The following TMEM74B variants were observed in gnomAD, a reference collection of about 807,000 sequenced individuals.
TMEM74B encodes the protein transmembrane protein C20orf46.
Under a neutral mutation model 6.5 loss-of-function variants are expected in TMEM74B, and 7 were observed. The observed-to-expected ratio is 1.07, with a 90% CI of 0.61 to 2.01. The LOEUF (loss-of-function observed/expected upper bound fraction) is 2.01, where lower values mean the gene tolerates loss of function less well. TMEM74B is among the 30% of genes most tolerant of loss of function. The pLI is 0.00. For missense variants in TMEM74B, 342 were observed against 337.0 expected (o/e 1.01, Z -0.12); for synonymous variants, 151 against 151.6 (o/e 1.00, Z 0.03).
chr20:1,183,223 G>GCACA (rs1184501299), intron 2 of TMEM74B, among the ~76,000 whole-genome samples: 1 of 151,996 alleles, frequency 6.6e-6, no homozygotes, highest in East Asian at 1.9e-4. Flanking sequence ...ACACATACAT[G>GCACA]CACACACACA....
At position 1,181,683 on chromosome 20, in the gene TMEM74B, C is replaced by T. The variant is rs772217080; in HGVS notation, c.32-96G>A. 6.7e-5 allele frequency: 88 copies of T among 1,321,744 alleles called. No individual in the cohort carries two copies. The highest frequency in any genetic ancestry group is 8.4e-5 in the Non-Finnish European group (86 of 1,023,414). The allele number at this position is 1,321,744 out of a possible 1,614,324, so 81.9% of individuals were successfully genotyped here. On this transcript the variant is annotated intron_variant, in intron 2 of 2. Coordinates refer to ENST00000429036, the MANE Select transcript of TMEM74B (RefSeq NM_001304748.2). The surrounding 1 kb of genome is among the most constrained non-coding windows in gnomAD (Gnocchi z 4.9). ...CCTAAGCACATGAAGGTGAGTCAGG[C>T]ACAATTCCCACTTGGGGGTGTCTGC...
In TMEM74B at chr20:1,184,562, CGT is replaced by C. The variant is rs2086964138; in HGVS notation, c.-410_-409del. 6.5e-6 allele frequency: 1 copy of C among 152,786 alleles called. No homozygotes were observed. Among genetic ancestry groups the C allele is most frequent in the Non-Finnish European group, 1.5e-5 (1 of 68,508 alleles). 9.5% of individuals were successfully genotyped at this position (152,786 alleles called of 1,614,324 possible). ...AGTACCCACAGACACCCAGAAGTCA[CGT>C]AGTGTGACCCTCGGATCTTCGGGCC... On this transcript the variant is annotated 5_prime_UTR_variant, in exon 1 of 3. Transcript: ENST00000429036. This position sits in a 1 kb window ranked among gnomAD's most constrained non-coding sequence, Gnocchi z 6.0.
upstream of TMEM74B, among the ~76,000 whole-genome samples, chr20:1,187,491 G>A (rs185758527): frequency 9.8e-5 from 15 of 152,318 alleles, no homozygotes; most frequent in Admixed American, 5.2e-4. Flanking sequence ...TCTAGTGGGA[G>A]AAAAGGATAA....
chr20:1,183,794 G>A lies in TMEM74B; in HGVS notation c.8C>T (p.Pro3Leu). 6.2e-7 allele frequency: 1 copy of A among 1,613,860 alleles called. No individual in the cohort carries two copies. The highest frequency in any genetic ancestry group is 8.5e-7 in the Non-Finnish European group (1 of 1,179,968). The part of the protein sequence containing the change: MP[P>L]AQGYEFAAAK... Reference sequence around the variant, plus strand: ...ACCTGCAAACTCATACCCCTGTGCTGGTGGCATCACTCCACCAGCCTTCCC... The same window carrying A: ...ACCTGCAAACTCATACCCCTGTGCTAGTGGCATCACTCCACCAGCCTTCCC... The change falls in exon 2 of 3, where the codon CCA (proline) becomes CTA (leucine). Residue 3 changes from proline (P) to leucine (L), a missense_variant. Physicochemically the swap from Pro to Leu is moderately conservative, Grantham distance 98. Transcript: ENST00000429036.
At chr20:1,185,917 G>T (rs1245592642), upstream of TMEM74B, among the ~76,000 whole-genome samples, 1 of 151,702 alleles carries the variant, frequency 6.6e-6, no homozygotes, top group Non-Finnish European at 1.5e-5. Flanking sequence ...CGGCTCCGTG[G>T]CTCAAGGGCG....
At chr20:1,182,755 A>C (rs2086906260) in intron 2 of TMEM74B, among the ~76,000 whole-genome samples, 1 of 152,194 alleles carries the variant, frequency 6.6e-6, no homozygotes, top group Non-Finnish European at 1.5e-5. Context: ...GCACATGTGC[A>C]TTCCCGCTGA....
chr20:1,183,609 G>A (rs571289161), intron 2 of TMEM74B, among the ~76,000 whole-genome samples, 162 bp downstream of exon 2: 62 of 152,110 alleles, frequency 4.1e-4, no homozygotes, highest in Admixed American at 7.9e-4. Flanking sequence ...CCATGTACCC[G>A]ACACTTCATG....
chr20:1,189,172 C>T (rs1293175977), upstream of TMEM74B: 4 of 152,210 alleles, frequency 2.6e-5, no homozygotes, highest in Non-Finnish European at 4.4e-5. The surrounding 1 kb of genome is among the most constrained non-coding windows in gnomAD (Gnocchi z 4.5). Flanking sequence ...AAACCCATAG[C>T]TGCAGTCTAG....
intron 2 of TMEM74B, among the ~76,000 whole-genome samples, chr20:1,183,235 G>A (rs115829150): frequency 5.3e-5 from 8 of 152,100 alleles, no homozygotes; most frequent in East Asian, 1.9e-4. Flanking sequence ...ACACACACAC[G>A]ATTCTCTGCA....
At position 1,180,737 on chromosome 20, in the gene TMEM74B, A is replaced by G. The variant is rs1340679145; in HGVS notation, c.*111T>C. On this transcript the variant is annotated 3_prime_UTR_variant, in exon 3 of 3. Coordinates refer to ENST00000429036, the MANE Select transcript of TMEM74B (RefSeq NM_001304748.2). This position sits in a 1 kb window ranked among gnomAD's most constrained non-coding sequence, Gnocchi z 6.1. ...CCCAGTACTTCTTCCACAAGGCCCT[A>G]TGTGAGCTCAGTTTAAAACCCCAGG... is the stretch of plus-strand genomic sequence containing the variant. 1.8e-5 allele frequency: 26 copies of G among 1,424,078 alleles called. No homozygotes were observed. The highest frequency in any genetic ancestry group is 2.9e-5 in the South Asian group (2 of 69,500). The allele number at this position is 1,424,078 out of a possible 1,614,324, so 88.2% of individuals were successfully genotyped here.
Position 1,181,058 on chromosome 20 carries a change from G to T in TMEM74B, c.561C>A (p.Gly187=). 6.2e-7 allele frequency: 1 copy of T among 1,613,416 alleles called. No individual in the cohort carries two copies. The highest frequency in any genetic ancestry group is 1.7e-4 in the Middle Eastern group (1 of 6,056). Reference sequence around the variant, plus strand: ...TGAGCAGCACCGACAAGAGCATGCCGCCCACCGTGAGCAGCCCGAGGCCTG... The same window carrying T: ...TGAGCAGCACCGACAAGAGCATGCCTCCCACCGTGAGCAGCCCGAGGCCTG... ...IIAGLGLLTV[G]GMLLSVLLMV... Residue 187 remains glycine, a synonymous_variant, in exon 3 of 3, where the codon GGC becomes GGA. Transcript: ENST00000429036. This position sits in a 1 kb window ranked among gnomAD's most constrained non-coding sequence, Gnocchi z 4.9.
rs746120459 is a variant in TMEM74B at position 1,181,000 on chromosome 20, G to A, written c.619C>T (p.Arg207Trp). ...VSLCKGELYR[R>W]RTFVPGKGSR... is the part of the protein sequence containing the mutation. ...CCCTTGCCGGGGACGAAGGTCCTCC[G>A]GCGGTACAGCTCGCCCTTGCACAGG... The change falls in exon 3 of 3, where the codon CGG (arginine) becomes TGG (tryptophan). Residue 207 changes from arginine to tryptophan, a missense_variant. By Grantham distance (101) the Arg-to-Trp change is moderately radical. Coordinates refer to ENST00000429036, the MANE Select transcript of TMEM74B (RefSeq NM_001304748.2). This position sits in a 1 kb window ranked among gnomAD's most constrained non-coding sequence, Gnocchi z 6.1. The A allele has an allele frequency of 3.6e-5, 58 of 1,613,910 alleles. No homozygotes were observed. In the Admixed American group the frequency reaches 5.3e-4, roughly 15 times the overall value.
upstream of TMEM74B, chr20:1,185,486 G>A (rs987789673): frequency 1.3e-5 from 2 of 151,030 alleles, no homozygotes; most frequent in African/African-American, 4.9e-5. Context: ...AGGGGCGGGG[G>A]CCGGGGCTCG....
Position 1,183,952 on chromosome 20 carries a change from T to G in TMEM74B, c.-147-4A>C. The G allele has an allele frequency of 1.3e-6, 1 of 762,084 alleles. No individual in the cohort carries two copies. Among genetic ancestry groups the G allele is most frequent in the East Asian group, 2.7e-5 (1 of 37,308 alleles). The allele number at this position is 762,084 out of a possible 1,614,324, so 47.2% of individuals were successfully genotyped here. The stretch of plus-strand genomic sequence containing the variant: ...GCCTGCGCCCAGACTGCTTTTACTT[T>G]CCAGTGAATAGACAGAAAAAAGAGA... On this transcript the variant is annotated splice_region_variant and splice_polypyrimidine_tract_variant and intron_variant, in intron 1 of 2. Coordinates refer to ENST00000429036, the MANE Select transcript of TMEM74B (RefSeq NM_001304748.2).
intron 2 of TMEM74B, among the ~76,000 whole-genome samples, chr20:1,182,383 G>C (rs2086895102): frequency 1.3e-5 from 2 of 152,136 alleles, no homozygotes; most frequent in Admixed American, 1.3e-4. Context: ...AGAGGACTCT[G>C]AAAGCCAGGC....
In TMEM74B at chr20:1,181,770, C is replaced by CCA. The variant is rs1465313286; in HGVS notation, c.32-185_32-184dup. ...GAACAGTGTGATCCAAGCCCAGATC[C>CCA]CACTCTACCACCGGGTGGGGTATGG... On this transcript the variant is annotated intron_variant, in intron 2 of 2. Coordinates refer to ENST00000429036, the MANE Select transcript of TMEM74B (RefSeq NM_001304748.2). This position sits in a 1 kb window ranked among gnomAD's most constrained non-coding sequence, Gnocchi z 4.9. Among the ~76,000 whole-genome samples the CCA allele has an allele frequency of 6.6e-6, 1 of 152,120 alleles. No homozygotes were observed. Among genetic ancestry groups the CCA allele is most frequent in the Admixed American group, 6.5e-5 (1 of 15,268 alleles).
chr20:1,185,435 G>A (rs1438454979), upstream of TMEM74B: 2 of 151,448 alleles, frequency 1.3e-5, no homozygotes, highest in Non-Finnish European at 2.9e-5. Context: ...GGCGGCCGCT[G>A]GGGAGGCGGG....
upstream of TMEM74B, among the ~76,000 whole-genome samples, chr20:1,187,008 A>T (rs553474881): frequency 3.2e-4 from 49 of 152,160 alleles, no homozygotes; most frequent in African/African-American, 1.2e-3. Flanking sequence ...CCTTTAAAGC[A>T]CTCACTGTTC....
chr20:1,183,717 G>A, intron 2 of TMEM74B, 54 bp downstream of exon 2: 2 of 1,602,666 alleles, frequency 1.2e-6, no homozygotes, highest in African/African-American at 1.3e-5. Context: ...GTATGGGAGG[G>A]TGGAGGACAG....
Sources: allele counts gnomAD v4.1 joint callset (sites outside exome capture counted in the v4.1 genomes callset), GRCh38; gene constraint gnomAD v4.1.1; non-coding constraint Gnocchi (gnomAD v3.1); transcripts MANE v1.5; gene names NCBI Gene and HGNC (gene_info 2026-07-23, HGNC 2026-07-21).